JAKMIP3: variants seen among roughly 807,000 people sequenced by gnomAD.
JAKMIP3 encodes the protein Janus kinase and microtubule interacting protein 3.
JAKMIP3 carries 58 observed loss-of-function variants against 118.5 expected under a neutral mutation model. That is an observed-to-expected ratio of 0.49 (90% CI 0.40 to 0.61). The LOEUF is 0.61. Among genes scored for constraint, JAKMIP3 ranks in the 20% least tolerant of loss-of-function variants. The probability of loss-of-function intolerance (pLI) is 0.00; values close to 1 mark genes in which losing one functional copy is unlikely to be tolerated. For missense variants in JAKMIP3, 950 were observed against 1,109.0 expected, an observed-to-expected ratio of 0.86 and a Z score of 2.04; for synonymous variants, 486 against 451.2, an observed-to-expected ratio of 1.08 and a Z score of -0.98.
intron 1 of JAKMIP3, among the ~76,000 whole-genome samples, chr10:132,045,667 G>A (rs1236005549): frequency 6.6e-6 from 1 of 152,166 alleles, no homozygotes; most frequent in Non-Finnish European, 1.5e-5. Flanking sequence ...AGTGGCTCAT[G>A]CCTATAATCC....
intron 3 of JAKMIP3, among the ~76,000 whole-genome samples, chr10:132,120,312 C>T (rs918007888): frequency 3.3e-5 from 5 of 152,134 alleles, no homozygotes; most frequent in African/African-American, 7.2e-5. Flanking sequence ...TTGGGTCCTG[C>T]GGGGGAGGGA....
At chr10:132,085,057 G>C (rs965438560) in intron 1 of JAKMIP3, among the ~76,000 whole-genome samples, 7 of 152,086 alleles carry the variant, frequency 4.6e-5, no homozygotes, top group African/African-American at 1.7e-4. Context: ...TCCTTTCCTT[G>C]TTTTGGTGTT....
At position 132,135,124 on chromosome 10, in the gene JAKMIP3, C is replaced by T; in HGVS notation, c.933C>T (p.Asp311=). Residue 311 remains aspartate, a synonymous_variant, in exon 5 of 24, where the codon GAC becomes GAT. Coordinates refer to ENST00000684848, the MANE Select transcript of JAKMIP3 (RefSeq NM_001323087.2). ...GTGCGATTATCCGCAAACTGGAGGACCGCAATGCATTGCTGTCGGAAGAGA... is the reference window on the plus strand; with the variant it reads ...GTGCGATTATCCGCAAACTGGAGGATCGCAATGCATTGCTGTCGGAAGAGA... ...ELSAIIRKLE[D]RNALLSEERN... is the part of the protein sequence containing the mutation. 1 of 1,613,000 alleles carries T rather than the reference C, an allele frequency of 6.2e-7. No homozygotes were observed. The highest frequency in any genetic ancestry group is 8.5e-7 in the Non-Finnish European group (1 of 1,179,286).
rs758181039 is a variant in JAKMIP3, at chr10:132,044,187, G to A, written c.-138+7449G>A. On this transcript the variant is annotated intron_variant, in intron 1 of 23. Coordinates refer to the JAKMIP3 transcript ENST00000657785. The surrounding 1 kb of genome is among the most constrained non-coding windows in gnomAD (Gnocchi z 5.3). ...TGGGCCCTCAGCTGCCCTTAGGGCCGCCCTTCCAGGTGGCTCGCCACAGCT... is the reference window on the plus strand; with the variant it reads ...TGGGCCCTCAGCTGCCCTTAGGGCCACCCTTCCAGGTGGCTCGCCACAGCT... 5.9e-5 allele frequency among the ~76,000 whole-genome samples: 9 copies of A among 152,216 alleles called. No homozygotes were observed. Among genetic ancestry groups the A allele is most frequent in the Non-Finnish European group, 1.0e-4 (7 of 68,028 alleles).
At chr10:132,166,777 C>T (rs114992256) in intron 21 of JAKMIP3, among the ~76,000 whole-genome samples, 4 of 152,120 alleles carry the variant, frequency 2.6e-5, no homozygotes, top group Non-Finnish European at 2.9e-5. Context: ...GTCCCCAGTG[C>T]GTTCCTAGGG....
chr10:132,140,882 C>T (rs1450348610), intron 10 of JAKMIP3, among the ~76,000 whole-genome samples: 2 of 152,222 alleles, frequency 1.3e-5, no homozygotes, highest in African/African-American at 4.8e-5. Context: ...GCCCCTTCTG[C>T]ATAGGGGTAC....
intron 20 of JAKMIP3, among the ~76,000 whole-genome samples, chr10:132,164,050 T>G (rs968906776): frequency 3.3e-5 from 5 of 152,214 alleles, no homozygotes; most frequent in Admixed American, 2.0e-4. Context: ...TATTCCTTGT[T>G]AAGAACACCA....
chr10:132,180,576 T>G (rs1441926542), intron 23 of JAKMIP3, among the ~76,000 whole-genome samples: 1 of 19,930 alleles, frequency 5.0e-5, no homozygotes, highest in African/African-American at 3.2e-4. Flanking sequence ...TGCGTGTGTG[T>G]GTGCGTGCGC....
At chr10:132,121,038 G>A (rs12217826) in intron 3 of JAKMIP3, among the ~76,000 whole-genome samples, 31,896 of 152,142 alleles carry the variant, frequency 0.21, 3,438 homozygotes, top group East Asian at 0.37. Context: ...AGAGGGACTC[G>A]GAACAGGGCT....
At chr10:132,064,026 C>G (rs1163787471), upstream of JAKMIP3, among the ~76,000 whole-genome samples, 2 of 152,182 alleles carry the variant, frequency 1.3e-5, no homozygotes, top group Non-Finnish European at 2.9e-5. This position sits in a 1 kb window ranked among gnomAD's most constrained non-coding sequence, Gnocchi z 4.4. Context: ...CTTTAAAAAA[C>G]TTAAACAATA....
At chr10:132,130,697 T>C (rs1387962133) in intron 3 of JAKMIP3, among the ~76,000 whole-genome samples, 1 of 152,222 alleles carries the variant, frequency 6.6e-6, no homozygotes. Flanking sequence ...CAGCCACAGC[T>C]GCCAGTGACC....
At chr10:132,097,094 C>T (rs535301535) in intron 1 of JAKMIP3, among the ~76,000 whole-genome samples, 6 of 152,316 alleles carry the variant, frequency 3.9e-5, no homozygotes, top group South Asian at 2.1e-4. Context: ...CCTAGGAGAA[C>T]GGCAACGTTA....
rs369593822 is a variant in JAKMIP3, at chr10:132,142,080, C to T, written c.1602+32C>T. 34 of 1,571,986 alleles carry T rather than the reference C, an allele frequency of 2.2e-5. No homozygotes were observed. The African/African-American group carries it at 4.3e-4, about 20-fold the overall frequency. ...GTGACTTCCACCGCGCGTTCCGGCC[C>T]CCCTCGTGCCTTCCCGCTTGACCCC... On this transcript the variant is annotated intron_variant, in intron 11 of 23. Coordinates refer to ENST00000684848, the MANE Select transcript of JAKMIP3 (RefSeq NM_001323087.2).
Position 132,145,584 on chromosome 10 carries a change from A to T in JAKMIP3, c.1749+4A>T. ...AAATCAAGAGCTTGTGGAAAAGGTG[A>T]GCCCCGAACCCCTGGAGGCCCTGGC... is the stretch of plus-strand genomic sequence containing the variant. On this transcript the variant is annotated splice_donor_region_variant and intron_variant, in intron 13 of 23. Transcript: ENST00000684848. The T allele has an allele frequency of 6.4e-7, 1 of 1,560,348 alleles. No individual in the cohort carries two copies. Among genetic ancestry groups the T allele is most frequent in the South Asian group, 1.2e-5 (1 of 84,456 alleles).
chr10:132,138,355 C>T (rs1357436972), intron 9 of JAKMIP3, among the ~76,000 whole-genome samples, 177 bp downstream of exon 9: 5 of 102,920 alleles, frequency 4.9e-5, no homozygotes, highest in East Asian at 5.5e-4. Context: ...ATGCCGGGTG[C>T]GTGTGGAGAG....
At chr10:132,135,770 G>C (rs1418735278) in intron 5 of JAKMIP3, among the ~76,000 whole-genome samples, 160 bp from the exon 6 acceptor site, 1 of 151,914 alleles carries the variant, frequency 6.6e-6, no homozygotes, top group African/African-American at 2.4e-5. Flanking sequence ...TCACCCGGGC[G>C]CTGGGCCAGT....
intron 11 of JAKMIP3, 23 bp from the exon 12 acceptor site, chr10:132,145,084 G>T (rs751318929): frequency 1.9e-6 from 3 of 1,602,302 alleles, no homozygotes; most frequent in East Asian, 2.2e-5. Context: ...AAAATTTGAT[G>T]TATCTTTCCT....
chr10:132,078,057 A>T, intron 1 of JAKMIP3, among the ~76,000 whole-genome samples: 1 of 152,276 alleles, frequency 6.6e-6, no homozygotes, highest in East Asian at 1.9e-4. Context: ...GGTGATCCGC[A>T]CGTCTTGGCC....
chr10:132,097,640 CCG>C (rs1426876080), intron 1 of JAKMIP3, among the ~76,000 whole-genome samples: 1 of 151,870 alleles, frequency 6.6e-6, no homozygotes, highest in Non-Finnish European at 1.5e-5. Flanking sequence ...TGATACTGTC[CCG>C]CTGTTTTCCA....
Sources: allele counts gnomAD v4.1 joint callset (sites outside exome capture counted in the v4.1 genomes callset), GRCh38; gene constraint gnomAD v4.1.1; non-coding constraint Gnocchi (gnomAD v3.1); transcripts MANE v1.5; gene names NCBI Gene and HGNC (gene_info 2026-07-23, HGNC 2026-07-21).